Variants in DDIT3 observed in about 807,000 individuals in gnomAD.
The protein encoded by DDIT3 is DNA damage inducible transcript 3.
Under a neutral mutation model 17.6 loss-of-function variants are expected in DDIT3, and 14 were observed. The ratio of observed to expected loss-of-function variants is 0.80; its 90% CI spans 0.53 to 1.25. The LOEUF (loss-of-function observed/expected upper bound fraction) is 1.25, where lower values mean the gene tolerates loss of function less well. Ranked by LOEUF, DDIT3 falls within the 50% of genes most tolerant of loss-of-function variation. The pLI is 0.00. For missense variants in DDIT3, 216 were observed against 202.7 expected (o/e 1.07, Z -0.40); for synonymous variants, 93 against 76.5 (o/e 1.22, Z -1.13).
intron 1 of DDIT3, among the ~76,000 whole-genome samples, chr12:57,519,464 G>C (rs1355201971): frequency 6.6e-6 from 1 of 152,166 alleles, no homozygotes; most frequent in Admixed American, 6.5e-5. Flanking sequence ...TATTTGTTAA[G>C]AATGAATGGA....
chr12:57,518,587 A>G (rs1463517504), intron 1 of DDIT3, among the ~76,000 whole-genome samples: 1 of 152,170 alleles, frequency 6.6e-6, no homozygotes, highest in Non-Finnish European at 1.5e-5. Context: ...CTAGTTGCTT[A>G]AGCTAAAAAC....
chr12:57,517,676 A>G, intron 2 of DDIT3, 30 bp downstream of exon 2: 1 of 583,852 alleles, frequency 1.7e-6, no homozygotes, highest in East Asian at 2.8e-5. Context: ...TGCCGTTTAA[A>G]ATTTTTGGAA....
intron 1 of DDIT3, chr12:57,519,255 C>T (rs776450242): frequency 1.9e-6 from 1 of 528,928 alleles, no homozygotes; most frequent in South Asian, 1.4e-5. Flanking sequence ...GGAGGAATTA[C>T]CTAAGGTAAT....
At position 57,516,664 on chromosome 12, in the gene DDIT3, CT is replaced by C; in HGVS notation, c.*144del. 6.6e-7 allele frequency: 1 copy of C among 1,522,780 alleles called. No homozygotes were observed. The highest frequency in any genetic ancestry group is 8.8e-7 in the Non-Finnish European group (1 of 1,137,592). The allele number at this position is 1,522,780 out of a possible 1,614,324, so 94.3% of individuals were successfully genotyped here. ...ACAATCTCTATATACAAGCTGAGAC[CT>C]TTCCTTTTGTCTACTCCAAGCCTTC... On this transcript the variant is annotated 3_prime_UTR_variant, in exon 4 of 4. Transcript: ENST00000346473.
chr12:57,520,140 G>A (rs2140048972), intron 1 of DDIT3, among the ~76,000 whole-genome samples: 1 of 152,326 alleles, frequency 6.6e-6, no homozygotes, highest in East Asian at 1.9e-4. Flanking sequence ...GCCTGAAGTT[G>A]GCTACGGGAA....
In DDIT3 at chr12:57,519,267, C is replaced by T. The variant is rs769796243; in HGVS notation, c.-81+1151G>A. 18 of 520,890 alleles carry T rather than the reference C, an allele frequency of 3.5e-5. No individual in the cohort carries two copies. In the East Asian group the frequency reaches 9.9e-4, roughly 29 times the overall value. The allele number at this position is 520,890 out of a possible 1,614,324, so 32.3% of individuals were successfully genotyped here. On this transcript the variant is annotated intron_variant, in intron 1 of 3. Transcript: ENST00000346473. ...AGTGGAGGAATTACCTAAGGTAATT[C>T]CTGACCACCTGATGTAACACTCTGA... is the stretch of plus-strand genomic sequence containing the variant.
chr12:57,516,893 C>T lies in DDIT3; in HGVS notation c.426G>A (p.Lys142=). Reference sequence around the variant, plus strand: ...CCCTGGTCAGGCGCTCGATTTCCTGCTTGAGCCGTTCATTCTCTTCAGCTA... The same window carrying T: ...CCCTGGTCAGGCGCTCGATTTCCTGTTTGAGCCGTTCATTCTCTTCAGCTA... The part of the protein sequence containing the change: ...AQLAEENERL[K]QEIERLTREV... The change falls in exon 4 of 4, where the codon AAG becomes AAA. Residue 142 remains lysine, a synonymous_variant. Coordinates refer to ENST00000346473, the MANE Select transcript of DDIT3 (RefSeq NM_004083.6). 2 of 1,614,076 alleles carry T rather than the reference C, an allele frequency of 1.2e-6. No individual in the cohort carries two copies. The highest frequency in any genetic ancestry group is 1.7e-6 in the Non-Finnish European group (2 of 1,180,040).
chr12:57,520,197 C>T lies in DDIT3; in HGVS notation c.-81+221G>A, dbSNP rs940144625. On this transcript the variant is annotated intron_variant, in intron 1 of 3. Coordinates refer to ENST00000346473, the MANE Select transcript of DDIT3 (RefSeq NM_004083.6). ...ACCGAGGTCCCTTTGCCCAGCAGCACAGAGCAGGGCCCGTGTTCCGGCTCC... is the reference window on the plus strand; with the variant it reads ...ACCGAGGTCCCTTTGCCCAGCAGCATAGAGCAGGGCCCGTGTTCCGGCTCC... Among the ~76,000 whole-genome samples, 3 of 152,230 alleles carry T rather than the reference C, an allele frequency of 2.0e-5. No homozygotes were observed. In the East Asian group the frequency reaches 5.8e-4, roughly 29 times the overall value.
Position 57,517,182 on chromosome 12 carries a change from T to G in DDIT3, c.139-2A>C. 6.2e-7 allele frequency: 1 copy of G among 1,607,132 alleles called. No individual in the cohort carries two copies. Among genetic ancestry groups the G allele is most frequent in the South Asian group, 1.1e-5 (1 of 90,732 alleles). ...AGTGGTGAAGATTTTTGATTCTTCC[T>G]TCAAGGAAATGAGGAAAGGGAACAT... On this transcript the variant is annotated splice_acceptor_variant, in intron 3 of 3. Transcript: ENST00000346473. LOFTEE classifies it high-confidence loss of function.
rs146831440 is a variant in DDIT3, at chr12:57,517,296, G to C, written c.111C>G (p.Thr37=). ...CTTCATTTCCAGGAGGTGAAACATA[G>C]GTACCCCCATTTTCATCTGAAGACA... is the stretch of plus-strand genomic sequence containing the variant. ...EVLSSDENGG[T]YVSPPGNEEE... Residue 37 remains threonine (T), a synonymous_variant, in exon 3 of 4, where the codon ACC becomes ACG. Transcript: ENST00000346473. 8.1e-5 allele frequency: 131 copies of C among 1,613,982 alleles called. No homozygotes were observed. The highest frequency in any genetic ancestry group is 2.7e-4 in the Admixed American group (16 of 60,004).
intron 1 of DDIT3, chr12:57,519,199 A>G (rs368928238): frequency 1.1e-4 from 57 of 533,104 alleles, no homozygotes; most frequent in Admixed American, 3.5e-4. Context: ...AAACCCTCCA[A>G]TGACTTCCTA....
chr12:57,520,306 C>T (rs1278209871), intron 1 of DDIT3, 112 bp downstream of exon 1: 1 of 397,560 alleles, frequency 2.5e-6, no homozygotes, highest in Admixed American at 4.4e-5. Context: ...CCCCATTCCT[C>T]TCTCGGACGG....
At chr12:57,518,961 T>G (rs1594842970) in intron 1 of DDIT3, among the ~76,000 whole-genome samples, 1 of 152,326 alleles carries the variant, frequency 6.6e-6, no homozygotes, top group South Asian at 2.1e-4. Context: ...TGCCCGGCCC[T>G]TAACTCATTC....
Position 57,516,676 on chromosome 12 carries a change from C to T in DDIT3, c.*133G>A. 2 of 1,522,552 alleles carry T rather than the reference C, an allele frequency of 1.3e-6. No homozygotes were observed. Among genetic ancestry groups the T allele is most frequent in the Non-Finnish European group, 1.8e-6 (2 of 1,136,916 alleles). 94.3% of individuals were successfully genotyped at this position (1,522,552 alleles called of 1,614,324 possible). A position where few individuals can be genotyped will look rare whatever the true frequency, so the allele number is the denominator to read the frequency against. On this transcript the variant is annotated 3_prime_UTR_variant, in exon 4 of 4. Coordinates refer to ENST00000346473, the MANE Select transcript of DDIT3 (RefSeq NM_004083.6). The stretch of plus-strand genomic sequence containing the variant: ...TACAAGCTGAGACCTTTCCTTTTGT[C>T]TACTCCAAGCCTTCCCCCTGCGTAT...
chr12:57,518,115 G>A (rs1354366832), intron 1 of DDIT3, among the ~76,000 whole-genome samples: 1 of 151,372 alleles, frequency 6.6e-6, no homozygotes, highest in Non-Finnish European at 1.5e-5. Context: ...ACCGTGCTGG[G>A]CCCTTATTTT....
chr12:57,516,905 A>C lies in DDIT3; in HGVS notation c.414T>G (p.Asn138Lys). The part of the protein sequence containing the change: ...ERKVAQLAEE[N>K]ERLKQEIERL... ...GCTCGATTTCCTGCTTGAGCCGTTC[A>C]TTCTCTTCAGCTAGCTGTGCCACTT... The change falls in exon 4 of 4, where the codon AAT (asparagine) becomes AAG (lysine). Residue 138 changes from asparagine to lysine, a missense_variant. Asn to Lys is a moderately conservative substitution (Grantham distance 94, BLOSUM62 0). Transcript: ENST00000346473. The C allele has an allele frequency of 6.2e-7, 1 of 1,614,024 alleles. No homozygotes were observed. The highest frequency in any genetic ancestry group is 1.1e-5 in the South Asian group (1 of 91,080).
Position 57,517,033 on chromosome 12 carries a change from C to G in DDIT3, c.286G>C (p.Glu96Gln). The change falls in exon 4 of 4, where the codon GAG becomes CAG. Residue 96 changes from glutamate to glutamine, a missense_variant. Glu to Gln is a conservative substitution (Grantham distance 29, BLOSUM62 2). Transcript: ENST00000346473. Reference protein sequence around the residue: ...SQSSLAQEEEEEDQGRTRKRK... With the variant: ...SQSSLAQEEEQEDQGRTRKRK... ...TTCCTGGTTCTCCCTTGGTCTTCCT[C>G]CTCTTCCTCCTGAGCCAGGGAGCTC... 6.2e-7 allele frequency: 1 copy of G among 1,614,114 alleles called. No individual in the cohort carries two copies. Among genetic ancestry groups the G allele is most frequent in the East Asian group, 2.2e-5 (1 of 44,882 alleles).
chr12:57,517,824 T>C (rs1178911963), intron 1 of DDIT3, 71 bp from the exon 2 acceptor site: 4 of 431,902 alleles, frequency 9.3e-6, no homozygotes, highest in Admixed American at 7.9e-5. Context: ...CTTTTTCTTT[T>C]TTTCTTTCTT....
intron 1 of DDIT3, among the ~76,000 whole-genome samples, chr12:57,518,955 C>A (rs1186407159): frequency 3.3e-5 from 5 of 152,286 alleles, no homozygotes; most frequent in African/African-American, 1.2e-4. Context: ...CCACCATGCC[C>A]GGCCCTTAAC....
Sources: allele counts gnomAD v4.1 joint callset (sites outside exome capture counted in the v4.1 genomes callset), GRCh38; gene constraint gnomAD v4.1.1; transcripts MANE v1.5; gene names NCBI Gene and HGNC (gene_info 2026-07-23, HGNC 2026-07-21).